LARGE1: variants seen among roughly 807,000 people sequenced by gnomAD.
LARGE1 encodes xylosyl- and glucuronyltransferase LARGE1.
Under a neutral mutation model 87.6 loss-of-function variants are expected in LARGE1, and 43 were observed. That is an observed-to-expected ratio of 0.49 (90% CI 0.38 to 0.63). The LOEUF is 0.63. LARGE1 is among the 30% of genes least tolerant of loss of function. The pLI, the probability that LARGE1 is intolerant of heterozygous loss-of-function variation, is 0.00. For missense variants in LARGE1, 802 were observed against 1,000.2 expected (o/e 0.80, Z 2.67); for synonymous variants, 434 against 394.6 (o/e 1.10, Z -1.18).
intron 6 of LARGE1, among the ~76,000 whole-genome samples, chr22:33,515,114 T>C (rs2071238275): frequency 6.7e-6 from 1 of 148,862 alleles, no homozygotes; most frequent in Non-Finnish European, 1.5e-5. Context: ...TCAGCAGGTG[T>C]AGCTAAAAAA....
At chr22:33,411,927 T>A (rs189557749) in intron 7 of LARGE1, among the ~76,000 whole-genome samples, 1 of 152,196 alleles carries the variant, frequency 6.6e-6, no homozygotes, top group Non-Finnish European at 1.5e-5. Context: ...TAATTACATA[T>A]GTGGAAAGCA....
rs190943731 is a variant in LARGE1, at chr22:33,259,363, C to T, written c.1730+44866G>A. 1.5e-3 allele frequency among the ~76,000 whole-genome samples: 232 copies of T among 151,418 alleles called. 1 individual carries two copies. Among genetic ancestry groups the T allele is most frequent in the Non-Finnish European group, 1.9e-3 (131 of 67,778 alleles). ...ACACACACACAAACACACACATGCA[C>T]GGACACACACACACATACACACACA... On this transcript the variant is annotated intron_variant, in intron 11 of 11. Coordinates refer to the LARGE1 transcript ENST00000608642.
At chr22:33,667,742 G>T (rs2081307471) in intron 2 of LARGE1, among the ~76,000 whole-genome samples, 1 of 152,162 alleles carries the variant, frequency 6.6e-6, no homozygotes, top group African/African-American at 2.4e-5. Flanking sequence ...CACCATTAAG[G>T]CATGTATAAA....
intron 6 of LARGE1, among the ~76,000 whole-genome samples, chr22:33,534,609 C>T (rs925096374): frequency 2.0e-5 from 3 of 152,152 alleles, no homozygotes; most frequent in Non-Finnish European, 4.4e-5. Context: ...AATCCTAGGG[C>T]TGGGGTAACA....
intron 12 of LARGE1, among the ~76,000 whole-genome samples, chr22:33,293,542 G>A (rs993163896): frequency 1.3e-5 from 2 of 152,164 alleles, no homozygotes; most frequent in African/African-American, 4.8e-5. Context: ...GATTGTGTCT[G>A]TCTTCCCAAC....
At chr22:33,631,683 T>TA (rs1389539514) in intron 3 of LARGE1, among the ~76,000 whole-genome samples, 1 of 151,948 alleles carries the variant, frequency 6.6e-6, no homozygotes, top group East Asian at 1.9e-4. Flanking sequence ...CAGTTAACTT[T>TA]AAAAAAAATA....
At chr22:33,552,544 TAAG>T (rs10604298) in intron 6 of LARGE1, among the ~76,000 whole-genome samples, 9,407 of 152,268 alleles carry the variant, frequency 0.062, 428 homozygotes, top group Non-Finnish European at 0.095. Context: ...AAGAGTCTGC[TAAG>T]ACCCCCAAAT....
At chr22:33,785,582 G>A (rs1226833601) in intron 1 of LARGE1, among the ~76,000 whole-genome samples, 2 of 152,014 alleles carry the variant, frequency 1.3e-5, no homozygotes, top group African/African-American at 4.8e-5. Context: ...CCTCTGACAA[G>A]TTTAAAAAAG....
At chr22:33,815,022 C>G (rs1039221466) in intron 1 of LARGE1, among the ~76,000 whole-genome samples, 1 of 152,202 alleles carries the variant, frequency 6.6e-6, no homozygotes, top group Non-Finnish European at 1.5e-5. Context: ...GCAAGACACA[C>G]TGCCCTCCAA....
chr22:33,566,880 A>G (rs2078043783), intron 5 of LARGE1, among the ~76,000 whole-genome samples: 1 of 152,162 alleles, frequency 6.6e-6, no homozygotes, highest in African/African-American at 2.4e-5. Flanking sequence ...GCTAGACATA[A>G]AAGTTCTCCA....
intron 5 of LARGE1, among the ~76,000 whole-genome samples, chr22:33,592,257 T>A (rs2078862856): frequency 6.6e-6 from 1 of 152,170 alleles, no homozygotes; most frequent in South Asian, 2.1e-4. Context: ...TGGAATGAAG[T>A]GAGGAGCAAG....
intron 1 of LARGE1, among the ~76,000 whole-genome samples, chr22:33,866,684 A>C (rs2146639431): frequency 6.6e-6 from 1 of 152,342 alleles, no homozygotes; most frequent in African/African-American, 2.4e-5. Flanking sequence ...GTAAACACAC[A>C]CCAGATGGAG....
chr22:33,507,352 G>A (rs753682742), intron 6 of LARGE1, among the ~76,000 whole-genome samples: 3 of 152,164 alleles, frequency 2.0e-5, no homozygotes, highest in Admixed American at 6.5e-5. Flanking sequence ...CAGTCCTGAA[G>A]TGTATGCCCA....
intron 1 of LARGE1, among the ~76,000 whole-genome samples, chr22:33,884,924 T>C (rs564552937): frequency 7.9e-5 from 12 of 152,266 alleles, no homozygotes; most frequent in African/African-American, 1.2e-4. Context: ...CAACAGCACA[T>C]GTATTTGTGA....
intron 1 of LARGE1, among the ~76,000 whole-genome samples, chr22:33,845,513 G>A (rs1326414628): frequency 6.6e-6 from 1 of 151,872 alleles, no homozygotes; most frequent in African/African-American, 2.4e-5. Context: ...TCTCCATGTT[G>A]GTCAGGCTGG....
At chr22:33,921,507 C>G (rs996229083), upstream of LARGE1, among the ~76,000 whole-genome samples, 17 of 152,092 alleles carry the variant, frequency 1.1e-4, no homozygotes, top group Middle Eastern at 3.4e-3. This position sits in a 1 kb window ranked among gnomAD's most constrained non-coding sequence, Gnocchi z 4.1. Flanking sequence ...CGCCTCGGGT[C>G]GCAGCTTCTC....
At chr22:33,339,715 T>C (rs370847568) in intron 9 of LARGE1, among the ~76,000 whole-genome samples, 1 of 152,272 alleles carries the variant, frequency 6.6e-6, no homozygotes. Context: ...GTTTATGACA[T>C]GGTCATAACA....
chr22:33,820,524 G>A (rs1251542711), intron 1 of LARGE1, among the ~76,000 whole-genome samples: 7 of 152,016 alleles, frequency 4.6e-5, no homozygotes, highest in African/African-American at 1.7e-4. Context: ...TGGGGGTCTC[G>A]TGGTGCTGCC....
chr22:33,089,475 C>CTT, the LARGE1 span, among the ~76,000 whole-genome samples: 784 of 149,660 alleles, frequency 5.2e-3, 10 homozygotes, highest in Middle Eastern at 0.017. Context: ...TCTTCTTCTT[C>CTT]CTCTTCCTCT....
Sources: gnomAD v4.1 joint callset for allele counts (sites outside exome capture counted in the v4.1 genomes callset) on GRCh38, gnomAD v4.1.1 for gene constraint, Gnocchi (gnomAD v3.1) non-coding constraint, MANE v1.5 for transcripts, NCBI Gene and HGNC (gene_info 2026-07-23, HGNC 2026-07-21) for gene names.